The following RABGAP1L variants were observed in gnomAD, a reference collection of about 807,000 sequenced individuals.
The protein encoded by RABGAP1L is RAB GTPase activating protein 1 like.
A neutral mutation model predicts 137.7 loss-of-function variants in RABGAP1L; 63 were observed. The observed-to-expected ratio is 0.46, with a 90% CI of 0.37 to 0.56. The LOEUF is 0.56. RABGAP1L is among the 20% of genes least tolerant of loss of function. The pLI is 0.00. For missense variants in RABGAP1L, 1,095 were observed against 1,244.0 expected (o/e 0.88, Z 1.80); for synonymous variants, 431 against 433.7 (o/e 0.99, Z 0.08).
At chr1:174,660,046 G>A (rs574758718) in intron 14 of RABGAP1L, among the ~76,000 whole-genome samples, 1 of 152,292 alleles carries the variant, frequency 6.6e-6, no homozygotes, top group South Asian at 2.1e-4. Flanking sequence ...GAACAACACT[G>A]TACTCACATA....
intron 13 of RABGAP1L, among the ~76,000 whole-genome samples, chr1:174,548,837 A>G (rs764873540): frequency 1.2e-4 from 18 of 152,232 alleles, no homozygotes; most frequent in Non-Finnish European, 2.5e-4. Flanking sequence ...TCTAGGTAGC[A>G]TATTTACAAG....
intron 7 of RABGAP1L, among the ~76,000 whole-genome samples, chr1:174,263,958 T>A (rs529319691): frequency 6.6e-6 from 1 of 152,238 alleles, no homozygotes; most frequent in African/African-American, 2.4e-5. Flanking sequence ...AAATATTGTT[T>A]AGTTACTAAT....
chr1:174,279,055 C>T (rs1273335034), intron 10 of RABGAP1L, among the ~76,000 whole-genome samples: 3 of 152,102 alleles, frequency 2.0e-5, no homozygotes, highest in Admixed American at 6.5e-5. Flanking sequence ...TATAAAACAA[C>T]GTTTCTGCCT....
intron 19 of RABGAP1L, among the ~76,000 whole-genome samples, chr1:174,925,492 TGGA>T (rs1662630206): frequency 7.2e-6 from 1 of 138,122 alleles, no homozygotes; most frequent in African/African-American, 2.8e-5. Context: ...AAGAGGAGAG[TGGA>T]GGAGACCAGA....
chr1:174,215,901 GT>G (rs59616436), intron 1 of RABGAP1L, among the ~76,000 whole-genome samples: 44,678 of 152,018 alleles, frequency 0.29, 6,980 homozygotes, highest in African/African-American at 0.37. Flanking sequence ...TGGAAGCAAC[GT>G]TAAGTGTCCA....
chr1:174,494,937 G>T (rs12066736), intron 13 of RABGAP1L, among the ~76,000 whole-genome samples: 18,108 of 152,106 alleles, frequency 0.12, 3,651 homozygotes, highest in African/African-American at 0.41. Flanking sequence ...CCTACTGAGG[G>T]ATGCTCAGTT....
At chr1:174,893,549 G>A (rs1656625826) in intron 19 of RABGAP1L, among the ~76,000 whole-genome samples, 1 of 152,210 alleles carries the variant, frequency 6.6e-6, no homozygotes, top group African/African-American at 2.4e-5. Context: ...ATGTAGAGCT[G>A]TACAACAAAT....
chr1:174,383,723 G>T (rs977612651), intron 12 of RABGAP1L, among the ~76,000 whole-genome samples: 1 of 152,114 alleles, frequency 6.6e-6, no homozygotes, highest in African/African-American at 2.4e-5. Context: ...CGGTACCTCA[G>T]ATGGAAATGC....
intron 13 of RABGAP1L, among the ~76,000 whole-genome samples, chr1:174,605,682 A>C (rs766754657): frequency 1.3e-3 from 204 of 152,316 alleles, no homozygotes; most frequent in Non-Finnish European, 2.4e-3. Flanking sequence ...AGATCTATAT[A>C]AGCTGAACCA....
intron 13 of RABGAP1L, among the ~76,000 whole-genome samples, chr1:174,605,689 A>T (rs908350272): frequency 2.0e-5 from 3 of 152,196 alleles, no homozygotes; most frequent in African/African-American, 7.2e-5. Context: ...TATAAGCTGA[A>T]CCAATTGAGA....
chr1:174,902,011 C>T (rs150414891), intron 19 of RABGAP1L, among the ~76,000 whole-genome samples: 9 of 152,258 alleles, frequency 5.9e-5, no homozygotes, highest in African/African-American at 1.7e-4. Context: ...GGAGGTATCA[C>T]CAGTGTAGGC....
chr1:174,251,856 A>G (rs925489618), intron 6 of RABGAP1L, among the ~76,000 whole-genome samples: 11 of 151,506 alleles, frequency 7.3e-5, no homozygotes, highest in Admixed American at 2.0e-4. Context: ...AGTAAACATT[A>G]TTCCTAAATT....
intron 19 of RABGAP1L, among the ~76,000 whole-genome samples, chr1:174,917,932 TA>T (rs77326102): frequency 0.019 from 2,155 of 116,402 alleles, 32 homozygotes; most frequent in African/African-American, 0.051. Context: ...GACTCTGTCT[TA>T]AAAAAAAAAA....
intron 13 of RABGAP1L, among the ~76,000 whole-genome samples, chr1:174,618,772 G>C (rs1379099072): frequency 6.6e-6 from 1 of 152,200 alleles, no homozygotes; most frequent in Non-Finnish European, 1.5e-5. Flanking sequence ...CAGCAGCAAT[G>C]GAACTAAGCT....
At chr1:174,717,570 A>G (rs1000872694) in intron 17 of RABGAP1L, among the ~76,000 whole-genome samples, 1 of 152,256 alleles carries the variant, frequency 6.6e-6, no homozygotes, top group Admixed American at 6.5e-5. Context: ...ACAGCTTAAA[A>G]TAAGTGACTA....
chr1:174,440,249 A>G (rs1653966302), intron 13 of RABGAP1L, among the ~76,000 whole-genome samples: 1 of 152,194 alleles, frequency 6.6e-6, no homozygotes, highest in Admixed American at 6.5e-5. Context: ...AGATCTTATC[A>G]TAAGGGCAAT....
chr1:174,184,170 T>G (rs1379663357), intron 1 of RABGAP1L, among the ~76,000 whole-genome samples: 1 of 152,132 alleles, frequency 6.6e-6, no homozygotes, highest in African/African-American at 2.4e-5. Flanking sequence ...CCCGGCAGAT[T>G]GGCTTCTTTC....
chr1:174,302,029 A>G (rs1677755665), intron 10 of RABGAP1L, among the ~76,000 whole-genome samples: 1 of 152,204 alleles, frequency 6.6e-6, no homozygotes, highest in South Asian at 2.1e-4. Flanking sequence ...GCCTCCTGCC[A>G]CTGTCAATAT....
chr1:174,353,080 GCTA>G (rs1683333036), intron 11 of RABGAP1L, among the ~76,000 whole-genome samples: 1 of 152,102 alleles, frequency 6.6e-6, no homozygotes. Flanking sequence ...CTATTGCCTG[GCTA>G]CTGCTGATGT....
Sources: allele counts gnomAD v4.1 joint callset (sites outside exome capture counted in the v4.1 genomes callset), GRCh38; gene constraint gnomAD v4.1.1; transcripts MANE v1.5; gene names NCBI Gene and HGNC (gene_info 2026-07-23, HGNC 2026-07-21).